MDGA2: variants seen among roughly 807,000 people sequenced by gnomAD.
The protein encoded by MDGA2 is MAM domain containing glycosylphosphatidylinositol anchor 2.
A neutral mutation model predicts 117.8 loss-of-function variants in MDGA2; 40 were observed. That is an observed-to-expected ratio of 0.34 (90% CI 0.26 to 0.44). The LOEUF is 0.44. Ranked by LOEUF, MDGA2 falls within the 20% of genes least tolerant of loss-of-function variation. MDGA2 has a pLI of 1.00. For missense variants in MDGA2, 1,123 were observed against 1,250.6 expected (o/e 0.90, Z 1.54); for synonymous variants, 452 against 439.0 (o/e 1.03, Z -0.37).
chr14:47,644,543 C>A (rs780245653), intron 1 of MDGA2, among the ~76,000 whole-genome samples: 1 of 151,802 alleles, frequency 6.6e-6, no homozygotes, highest in Non-Finnish European at 1.5e-5. Flanking sequence ...AGTTACCAGA[C>A]GCTGGAGAGG....
intron 5 of MDGA2, among the ~76,000 whole-genome samples, chr14:47,112,019 A>C (rs1191464101): frequency 6.6e-6 from 1 of 152,180 alleles, no homozygotes; most frequent in Non-Finnish European, 1.5e-5. Flanking sequence ...CTGTCTGCCC[A>C]GGCTAACTCT....
At chr14:46,960,859 T>C (rs1360588875) in intron 8 of MDGA2, among the ~76,000 whole-genome samples, 1 of 144,560 alleles carries the variant, frequency 6.9e-6, no homozygotes, top group Non-Finnish European at 1.5e-5. Flanking sequence ...TATATTTTAA[T>C]ATTTTATATA....
chr14:46,855,574 G>A lies in MDGA2; in HGVS notation c.2753-420C>T, dbSNP rs1435173881. Among the ~76,000 whole-genome samples the A allele has an allele frequency of 1.3e-5, 2 of 152,242 alleles. No homozygotes were observed. Among genetic ancestry groups the A allele is most frequent in the East Asian group, 1.9e-4 (1 of 5,162 alleles). On this transcript the variant is annotated intron_variant, in intron 14 of 16. Coordinates refer to ENST00000399232, the MANE Select transcript of MDGA2 (RefSeq NM_001113498.3). The surrounding 1 kb of genome is among the most constrained non-coding windows in gnomAD (Gnocchi z 4.1). Reference sequence around the variant, plus strand: ...GAAGGGGCTACAAGGACTACTGGCAGCTTCTTGAAGCTAGTAAAGGCAAAG... The same window carrying A: ...GAAGGGGCTACAAGGACTACTGGCAACTTCTTGAAGCTAGTAAAGGCAAAG...
At chr14:47,234,171 A>G (rs1886782615) in intron 2 of MDGA2, among the ~76,000 whole-genome samples, 1 of 151,582 alleles carries the variant, frequency 6.6e-6, no homozygotes, top group Non-Finnish European at 1.5e-5. Context: ...TTGTCTTAAT[A>G]ATATATGTGT....
intron 3 of MDGA2, among the ~76,000 whole-genome samples, chr14:47,217,262 A>G (rs972484479): frequency 2.0e-5 from 3 of 152,120 alleles, no homozygotes; most frequent in Non-Finnish European, 4.4e-5. Flanking sequence ...ATCTTACATC[A>G]GAGACCTAAA....
chr14:47,600,838 TG>T (rs1268038924), intron 1 of MDGA2, among the ~76,000 whole-genome samples: 1 of 152,060 alleles, frequency 6.6e-6, no homozygotes, highest in African/African-American at 2.4e-5. Flanking sequence ...CTCCAAGTAA[TG>T]AAAAAAGTAA....
At chr14:47,233,947 A>G (rs1284674572) in intron 2 of MDGA2, among the ~76,000 whole-genome samples, 24 of 152,114 alleles carry the variant, frequency 1.6e-4, no homozygotes, top group Admixed American at 1.6e-3. Flanking sequence ...AGGTGACACA[A>G]TTGAAACTAT....
chr14:47,468,875 T>A (rs1175889118), intron 1 of MDGA2, among the ~76,000 whole-genome samples: 1 of 152,114 alleles, frequency 6.6e-6, no homozygotes, highest in Non-Finnish European at 1.5e-5. Flanking sequence ...CAAATAATAA[T>A]CATTTAAATT....
chr14:47,188,411 A>T lies in MDGA2; in HGVS notation c.595+29610T>A, dbSNP rs967009754. On this transcript the variant is annotated intron_variant, in intron 3 of 16. Transcript: ENST00000399232. ...GGCAAGGAACTGATATTTCTGGCAA[A>T]CAGGCTGTGAGGGAACAGCAGTTGA... Among the ~76,000 whole-genome samples, 3 of 152,322 alleles carry T rather than the reference A, an allele frequency of 2.0e-5. 1 individual carries two copies. Among genetic ancestry groups the T allele is most frequent in the Admixed American group, 2.0e-4 (3 of 15,292 alleles).
intron 5 of MDGA2, among the ~76,000 whole-genome samples, chr14:47,122,448 T>C (rs1278165474): frequency 2.0e-5 from 3 of 152,114 alleles, no homozygotes; most frequent in African/African-American, 7.2e-5. Flanking sequence ...GATGTGGGAC[T>C]TCCAGTGAGT....
At chr14:47,182,728 T>C (rs189410175) in intron 3 of MDGA2, among the ~76,000 whole-genome samples, 1 of 152,202 alleles carries the variant, frequency 6.6e-6, no homozygotes, top group African/African-American at 2.4e-5. Flanking sequence ...TTTGAATTAG[T>C]TGAAAATAAC....
chr14:47,493,909 T>C (rs10138583), intron 1 of MDGA2, among the ~76,000 whole-genome samples: 70,266 of 151,916 alleles, frequency 0.46, 16,495 homozygotes, highest in East Asian at 0.61. Flanking sequence ...TGTGTCCTCA[T>C]CCAAAATTTC....
At chr14:47,609,452 T>TAG (rs1896805450) in intron 1 of MDGA2, among the ~76,000 whole-genome samples, 1 of 102,902 alleles carries the variant, frequency 9.7e-6, no homozygotes, top group Non-Finnish European at 2.0e-5. Context: ...TATATATATA[T>TAG]ATATATATAT....
chr14:47,188,794 G>T (rs921033517), intron 3 of MDGA2, among the ~76,000 whole-genome samples: 1 of 152,058 alleles, frequency 6.6e-6, no homozygotes, highest in Non-Finnish European at 1.5e-5. Context: ...TTTCTAGCAC[G>T]TCAGAGCAAA....
intron 1 of MDGA2, among the ~76,000 whole-genome samples, chr14:47,378,503 A>G (rs1891532693): frequency 6.6e-6 from 1 of 152,200 alleles, no homozygotes; most frequent in African/African-American, 2.4e-5. Context: ...TAGAATAAAC[A>G]GTATAGAGAA....
chr14:47,417,356 CA>C (rs1265302947), intron 1 of MDGA2, among the ~76,000 whole-genome samples: 1 of 152,150 alleles, frequency 6.6e-6, no homozygotes, highest in Non-Finnish European at 1.5e-5. Flanking sequence ...ACAATTCAGC[CA>C]AATTATTTGC....
intron 7 of MDGA2, among the ~76,000 whole-genome samples, chr14:47,056,235 CTGTT>C (rs1889670577): frequency 6.6e-6 from 1 of 152,092 alleles, no homozygotes; most frequent in Non-Finnish European, 1.5e-5. Context: ...TGTTGCCCTC[CTGTT>C]TGTTAACTAT....
At chr14:47,294,371 T>A (rs930799635) in intron 2 of MDGA2, among the ~76,000 whole-genome samples, 1 of 152,132 alleles carries the variant, frequency 6.6e-6, no homozygotes, top group Non-Finnish European at 1.5e-5. Context: ...GTCCTGGGAT[T>A]ACATGAGTGA....
chr14:46,886,961 A>G (rs1297750096), intron 10 of MDGA2, among the ~76,000 whole-genome samples: 1 of 152,068 alleles, frequency 6.6e-6, no homozygotes, highest in Non-Finnish European at 1.5e-5. Context: ...AGTCTCAACC[A>G]TCAGCAATTA....
Sources: gnomAD v4.1 joint callset for allele counts (sites outside exome capture counted in the v4.1 genomes callset) on GRCh38, gnomAD v4.1.1 for gene constraint, Gnocchi (gnomAD v3.1) non-coding constraint, MANE v1.5 for transcripts, NCBI Gene and HGNC (gene_info 2026-07-23, HGNC 2026-07-21) for gene names.